TCOF1: variants seen among roughly 807,000 people sequenced by gnomAD.
TCOF1 encodes the protein treacle protein.
In TCOF1, 33 loss-of-function variants were observed where a neutral mutation model predicts 149.0. The ratio of observed to expected loss-of-function variants is 0.22; its 90% CI spans 0.17 to 0.30. The LOEUF is 0.30. Ranked by LOEUF, TCOF1 falls within the 10% of genes least tolerant of loss-of-function variation. The pLI is 1.00. For synonymous variants in TCOF1, 789 were observed against 738.8 expected, an observed-to-expected ratio of 1.07 and a Z score of -1.10; for missense variants, 1,728 against 1,840.7, an observed-to-expected ratio of 0.94 and a Z score of 1.12.
rs773162787 is a variant in TCOF1, at chr5:150,374,741, C to G, written c.1208C>G (p.Ala403Gly). Reference protein sequence around the residue: ...KTGPAVAKAQAGKREEDSQSS... With the variant: ...KTGPAVAKAQGGKREEDSQSS... ...GGGCCTGCAGTTGCCAAGGCCCAGG[C>G]GGGGAAGCGGGAGGAGGACTCGCAG... Residue 403 changes from alanine (A) to glycine (G), a missense_variant, in exon 9 of 27, where the codon GCG (alanine) becomes GGG (glycine). Ala to Gly is a moderately conservative substitution (Grantham distance 60). Coordinates refer to ENST00000643257, the MANE Select transcript of TCOF1 (RefSeq NM_001371623.1). 17 of 1,611,690 alleles carry G rather than the reference C, an allele frequency of 1.1e-5. No homozygotes were observed. Among genetic ancestry groups the G allele is most frequent in the Non-Finnish European group, 1.4e-5 (17 of 1,179,436 alleles).
At chr5:150,359,035 C>A (rs1759362711) in intron 1 of TCOF1, among the ~76,000 whole-genome samples, 1 of 151,470 alleles carries the variant, frequency 6.6e-6, no homozygotes, top group African/African-American at 2.4e-5. Context: ...GACACTGTCT[C>A]AAAAAAAAAT....
intron 2 of TCOF1, 122 bp downstream of exon 2, chr5:150,361,333 T>C (rs1274679940): frequency 4.2e-6 from 5 of 1,184,216 alleles, no homozygotes; most frequent in Non-Finnish European, 6.2e-6. Context: ...GACACCATTG[T>C]TGCCTCCAGA....
chr5:150,383,728 T>C lies in TCOF1; in HGVS notation c.2859+3996T>C. ...CCCTGGCTCCCTGTATCTCTCTGTT[T>C]TCTGTTTAGGACCAGGAGTCTTCTT... is the stretch of plus-strand genomic sequence containing the variant. On this transcript the variant is annotated intron_variant, in intron 17 of 26. Transcript: ENST00000643257. 2.6e-6 allele frequency: 4 copies of C among 1,551,820 alleles called. No individual in the cohort carries two copies. In the South Asian group the frequency reaches 4.8e-5, roughly 18 times the overall value.
At chr5:150,373,009 C>T (rs565611490) in intron 7 of TCOF1, among the ~76,000 whole-genome samples, 1 of 152,276 alleles carries the variant, frequency 6.6e-6, no homozygotes, top group South Asian at 2.1e-4. Flanking sequence ...ACTTCTACGC[C>T]TCGGCTGTCT....
At chr5:150,386,038 G>A (rs557657984) in intron 17 of TCOF1, among the ~76,000 whole-genome samples, 1 of 152,238 alleles carries the variant, frequency 6.6e-6, no homozygotes, top group African/African-American at 2.4e-5. Flanking sequence ...TGACCACACA[G>A]TGAAGTCATG....
In TCOF1 at chr5:150,361,239, T is replaced by C. The variant is rs575793479; in HGVS notation, c.164+28T>C. ...AAGTGGTGGGGCCTATAGGGTGGAG[T>C]AGGGACGGACACCCCAAGCAACTCA... is the stretch of plus-strand genomic sequence containing the variant. On this transcript the variant is annotated intron_variant, in intron 2 of 26. Coordinates refer to ENST00000643257, the MANE Select transcript of TCOF1 (RefSeq NM_001371623.1). 53 of 1,613,270 alleles carry C rather than the reference T, an allele frequency of 3.3e-5. No homozygotes were observed. In the South Asian group the frequency reaches 5.5e-4, roughly 17 times the overall value.
chr5:150,383,713 C>T, intron 17 of TCOF1: 5 of 1,551,546 alleles, frequency 3.2e-6, no homozygotes, highest in Non-Finnish European at 4.4e-6. Context: ...CCCTGGCTCC[C>T]TGTATCTCTC....
intron 8 of TCOF1, 51 bp downstream of exon 8, chr5:150,374,437 C>T (rs779718003): frequency 9.7e-6 from 15 of 1,549,772 alleles, no homozygotes; most frequent in Non-Finnish European, 1.3e-5. Flanking sequence ...CCCCAGAAGG[C>T]CTTCTCAGGA....
At chr5:150,374,407 C>T in intron 8 of TCOF1, 21 bp downstream of exon 8, 1 of 1,551,388 alleles carries the variant, frequency 6.4e-7, no homozygotes, top group Non-Finnish European at 8.7e-7. Flanking sequence ...AGGAGGGAGA[C>T]TCCATGCAGC....
intron 14 of TCOF1, 78 bp downstream of exon 14, chr5:150,376,698 C>T (rs1763888827): frequency 9.7e-6 from 14 of 1,443,356 alleles, no homozygotes; most frequent in Admixed American, 2.0e-5. Context: ...TGACTGGGGG[C>T]TAGTGTTGCC....
At position 150,388,094 on chromosome 5, in the gene TCOF1, C is replaced by A. The variant is rs201532733; in HGVS notation, c.3046+6C>A. 2 of 1,612,974 alleles carry A rather than the reference C, an allele frequency of 1.2e-6. No homozygotes were observed. Among genetic ancestry groups the A allele is most frequent in the Admixed American group, 1.7e-5 (1 of 59,978 alleles). On this transcript the variant is annotated splice_donor_region_variant and intron_variant, in intron 18 of 26. Coordinates refer to ENST00000643257, the MANE Select transcript of TCOF1 (RefSeq NM_001371623.1). ...TACACAGTGCTTGACTCCTGGTGAG[C>A]GCAGCCCTTATGCAGTGGTGGGAGG... is the stretch of plus-strand genomic sequence containing the variant.
intron 6 of TCOF1, among the ~76,000 whole-genome samples, chr5:150,371,070 A>G (rs1762426656): frequency 6.6e-6 from 1 of 152,174 alleles, no homozygotes; most frequent in South Asian, 2.1e-4. Flanking sequence ...AGTAATACTG[A>G]TACTGGCATA....
intron 26 of TCOF1, 149 bp downstream of exon 26, chr5:150,399,219 G>T (rs1273170805): frequency 4.7e-6 from 5 of 1,060,454 alleles, no homozygotes; most frequent in Non-Finnish European, 7.1e-6. Flanking sequence ...GGTCCATGGG[G>T]CCACTGGGGT....
intron 23 of TCOF1, chr5:150,393,785 G>A: frequency 1.8e-6 from 1 of 561,920 alleles, no homozygotes; most frequent in Non-Finnish European, 3.1e-6. Context: ...AGGCCGAGGT[G>A]GGCAGATTGC....
chr5:150,360,732 C>CTT (rs869238792), intron 1 of TCOF1, among the ~76,000 whole-genome samples: 248 of 127,376 alleles, frequency 1.9e-3, no homozygotes, highest in African/African-American at 3.4e-3. Flanking sequence ...AAAAGACCCT[C>CTT]TTTTTTTTTT....
At chr5:150,391,119 G>A (rs1386873371) in intron 19 of TCOF1, among the ~76,000 whole-genome samples, 1 of 152,200 alleles carries the variant, frequency 6.6e-6, no homozygotes, top group Non-Finnish European at 1.5e-5. Flanking sequence ...CTGAGAGGTG[G>A]GGACAGCTGG....
intron 23 of TCOF1, chr5:150,393,838 AC>A: frequency 2.2e-6 from 1 of 450,922 alleles, no homozygotes; most frequent in East Asian, 4.5e-5. Flanking sequence ...ACACAGAGAG[AC>A]CCCATCTCTA....
At chr5:150,392,272 C>T in intron 21 of TCOF1, 96 bp downstream of exon 21, 1 of 1,281,228 alleles carries the variant, frequency 7.8e-7, no homozygotes, top group East Asian at 2.4e-5. Flanking sequence ...ATATCTCAGA[C>T]TCATTCTGCA....
In TCOF1 at chr5:150,374,402, G is replaced by T; in HGVS notation, c.1083+16G>T. On this transcript the variant is annotated intron_variant, in intron 8 of 26. Transcript: ENST00000643257. ...CCTGCTTCAGGTGAGGCCTGAGGAG[G>T]GAGACTCCATGCAGCCAGGCCCGTC... The T allele has an allele frequency of 6.4e-7, 1 of 1,552,102 alleles. No homozygotes were observed.
Sources: gnomAD v4.1 joint callset for allele counts (sites outside exome capture counted in the v4.1 genomes callset) on GRCh38, gnomAD v4.1.1 for gene constraint, MANE v1.5 for transcripts, NCBI Gene and HGNC (gene_info 2026-07-23, HGNC 2026-07-21) for gene names.